FER1L5: variants seen among roughly 807,000 people sequenced by gnomAD.
The protein encoded by FER1L5 is fer-1 like family member 5, also known as fer-1-like protein 5.
In FER1L5, 187 loss-of-function variants were observed where a neutral mutation model predicts 279.9. That is an observed-to-expected ratio of 0.67 (90% CI 0.59 to 0.75). FER1L5 has a LOEUF of 0.75. Ranked by LOEUF, FER1L5 falls within the 30% of genes least tolerant of loss-of-function variation. The probability of loss-of-function intolerance (pLI) is 0.00; values close to 1 mark genes in which losing one functional copy is unlikely to be tolerated. For missense variants in FER1L5, 2,091 were observed against 2,594.4 expected (o/e 0.81, Z 4.21); for synonymous variants, 921 against 989.7 (o/e 0.93, Z 1.30).
In FER1L5 at chr2:96,690,533, G is replaced by A. The variant is rs1558909812; in HGVS notation, c.2687G>A (p.Gly896Asp). ...EARENVKCPQGWHFKKDWVVE... is the reference protein window; with the variant it reads ...EARENVKCPQDWHFKKDWVVE... Reference sequence around the variant, plus strand: ...CGGGAGAACGTGAAGTGCCCCCAAGGCTGGCACTTTAAGAAGGACTGGGTG... The same window carrying A: ...CGGGAGAACGTGAAGTGCCCCCAAGACTGGCACTTTAAGAAGGACTGGGTG... Residue 896 changes from glycine (G) to aspartate (D), a missense_variant, in exon 27 of 53, where the codon GGC becomes GAC. Coordinates refer to ENST00000624922, the MANE Select transcript of FER1L5 (RefSeq NM_001293083.2). 2 of 1,551,694 alleles carry A rather than the reference G, an allele frequency of 1.3e-6. No homozygotes were observed. Among genetic ancestry groups the A allele is most frequent in the Admixed American group, 2.0e-5 (1 of 51,006 alleles).
At chr2:96,651,744 C>G (rs1263388803) in intron 6 of FER1L5, 148 bp from the exon 7 acceptor site, 5 of 1,123,570 alleles carry the variant, frequency 4.5e-6, no homozygotes, top group Non-Finnish European at 6.3e-6. Context: ...TGGGCTCAAG[C>G]GATTCTCCCA....
At chr2:96,699,002 C>T (rs774145395) in intron 41 of FER1L5, 43 bp from the exon 42 acceptor site, 16 of 1,569,244 alleles carry the variant, frequency 1.0e-5, no homozygotes, top group South Asian at 1.2e-5. Context: ...ACCTGGACGG[C>T]CTCCCCAGTT....
In FER1L5 at chr2:96,699,717, G is replaced by A; in HGVS notation, c.4778G>A (p.Cys1593Tyr). 1.2e-6 allele frequency: 2 copies of A among 1,613,924 alleles called. No homozygotes were observed. The highest frequency in any genetic ancestry group is 1.7e-6 in the Non-Finnish European group (2 of 1,179,860). Residue 1593 changes from cysteine (C) to tyrosine (Y), a missense_variant, in exon 43 of 53, where the codon TGC becomes TAC. By Grantham distance (194) the Cys-to-Tyr change is radical (BLOSUM62 -2). Coordinates refer to ENST00000624922, the MANE Select transcript of FER1L5 (RefSeq NM_001293083.2). ...CATTGTGGGCTCTCCAAATCCTACT[G>A]CCAGTGAGAGTGGGCCCGTCTGGGG... Reference protein sequence around the residue: ...GAHCGLSKSYCQSGPFRWRDQ... With the variant: ...GAHCGLSKSYYQSGPFRWRDQ...
At position 96,698,937 on chromosome 2, in the gene FER1L5, G is replaced by A. The variant is rs2077486311; in HGVS notation, c.4518+105G>A. 9.8e-6 allele frequency: 15 copies of A among 1,528,068 alleles called. No homozygotes were observed. Among genetic ancestry groups the A allele is most frequent in the Non-Finnish European group, 1.2e-5 (14 of 1,127,236 alleles). 94.7% of individuals were successfully genotyped at this position (1,528,068 alleles called of 1,614,324 possible). On this transcript the variant is annotated intron_variant, in intron 41 of 52. Coordinates refer to ENST00000624922, the MANE Select transcript of FER1L5 (RefSeq NM_001293083.2). The surrounding 1 kb of genome is among the most constrained non-coding windows in gnomAD (Gnocchi z 5.5). ...ACACACAGAATGCCAACTCCCCATA[G>A]GCTCCGTGTGGTGCGAGGGGCTTGT...
chr2:96,700,240 C>T lies in FER1L5; in HGVS notation c.4931-92C>T. ...CCCATCCCTTTCCCCTTCACTCCTA[C>T]CCAGGCTGCGGTCGGGAGGGTAAGA... On this transcript the variant is annotated intron_variant, in intron 44 of 52. Transcript: ENST00000624922. 9 of 1,582,666 alleles carry T rather than the reference C, an allele frequency of 5.7e-6. No homozygotes were observed. In the Middle Eastern group the frequency reaches 1.0e-3, roughly 176 times the overall value.
In FER1L5 at chr2:96,653,664, G is replaced by A. The variant is rs965134426; in HGVS notation, c.658G>A (p.Val220Ile). Reference sequence around the variant, plus strand: ...GATCTTCTTCCAGAATTTTCATGAGGTTCCTGCAAAGTTCTTTGATGAGAC... The same window carrying A: ...GATCTTCTTCCAGAATTTTCATGAGATTCCTGCAAAGTTCTTTGATGAGAC... ...NEIFFQNFHE[V>I]PAKFFDETIL... Residue 220 changes from valine to isoleucine, a missense_variant, in exon 8 of 53, where the codon GTT becomes ATT. By Grantham distance (29) the Val-to-Ile change is conservative. Transcript: ENST00000624922. 15 of 1,551,360 alleles carry A rather than the reference G, an allele frequency of 9.7e-6. No homozygotes were observed. The highest frequency in any genetic ancestry group is 7.1e-5 in the South Asian group (6 of 84,054).
At chr2:96,693,423 G>C in intron 31 of FER1L5, 83 bp from the exon 32 acceptor site, 6 of 1,393,280 alleles carry the variant, frequency 4.3e-6, no homozygotes, top group Non-Finnish European at 5.7e-6. Flanking sequence ...GGCCCCACTG[G>C]GTCCAGTGGC....
At chr2:96,651,737 G>T (rs1205894480) in intron 6 of FER1L5, among the ~76,000 whole-genome samples, 155 bp from the exon 7 acceptor site, 2 of 152,096 alleles carry the variant, frequency 1.3e-5, no homozygotes, top group Non-Finnish European at 2.9e-5. Flanking sequence ...GAACTCCTGG[G>T]CTCAAGCGAT....
At chr2:96,669,784 C>T (rs1384226728) in intron 17 of FER1L5, among the ~76,000 whole-genome samples, 1 of 152,170 alleles carries the variant, frequency 6.6e-6, no homozygotes, top group Non-Finnish European at 1.5e-5. Flanking sequence ...GTGTGCTCCC[C>T]GTGGCTCACA....
intron 14 of FER1L5, 147 bp downstream of exon 14, chr2:96,663,654 C>T (rs1406844741): frequency 1.2e-6 from 1 of 848,878 alleles, no homozygotes; most frequent in Non-Finnish European, 1.9e-6. Context: ...ATGAGGAAGC[C>T]CAGGACATAT....
At position 96,704,618 on chromosome 2, in the gene FER1L5, G is replaced by A; in HGVS notation, c.6100G>A (p.Glu2034Lys). Residue 2034 changes from glutamate (E) to lysine (K), a missense_variant, in exon 53 of 53, where the codon GAG (glutamate) becomes AAG (lysine). Glu to Lys is a moderately conservative substitution (Grantham distance 56). Transcript: ENST00000624922. Reference protein sequence around the residue: ...DPNLKPTIDHEWKLHPGPTNH... With the variant: ...DPNLKPTIDHKWKLHPGPTNH... ...AAACCTAAAGCCTACAATAGACCAT[G>A]AGTGGAAACTCCACCCAGGACCCAC... The A allele has an allele frequency of 1.2e-6, 2 of 1,613,974 alleles. No individual in the cohort carries two copies. The highest frequency in any genetic ancestry group is 1.7e-6 in the Non-Finnish European group (2 of 1,179,888).
chr2:96,666,542 G>T (rs1224675392), intron 14 of FER1L5, among the ~76,000 whole-genome samples: 1 of 152,092 alleles, frequency 6.6e-6, no homozygotes, highest in Non-Finnish European at 1.5e-5. Context: ...CCCAAGAACT[G>T]CTGTAAGGAG....
chr2:96,672,080 T>TA (rs2076347938), intron 18 of FER1L5, among the ~76,000 whole-genome samples: 1 of 152,048 alleles, frequency 6.6e-6, no homozygotes, highest in African/African-American at 2.4e-5. Flanking sequence ...AAAAAAAAAG[T>TA]AAAAAAATTT....
chr2:96,651,290 T>C, intron 6 of FER1L5, among the ~76,000 whole-genome samples: 1 of 141,004 alleles, frequency 7.1e-6, no homozygotes, highest in Admixed American at 7.1e-5. Context: ...TTTCTTTCTT[T>C]CTTTCTTTCT....
rs1225215397 is a variant in FER1L5 at position 96,688,230 on chromosome 2, G to A, written c.2361+283G>A. The stretch of plus-strand genomic sequence containing the variant: ...GTGTGGAGACAAAGGGGGCGACTAA[G>A]TGACCTCCGGGGCCTGGTCCCCCTC... On this transcript the variant is annotated intron_variant, in intron 24 of 52. Transcript: ENST00000624922. 2.0e-5 allele frequency among the ~76,000 whole-genome samples: 3 copies of A among 152,184 alleles called. No individual in the cohort carries two copies. In the East Asian group the frequency reaches 5.8e-4, roughly 29 times the overall value.
Position 96,704,338 on chromosome 2 carries a change from G to A in FER1L5, c.5925G>A (p.Leu1975=), listed in dbSNP as rs560536483. 1.9e-6 allele frequency: 3 copies of A among 1,613,984 alleles called. No homozygotes were observed. Among genetic ancestry groups the A allele is most frequent in the African/African-American group, 1.3e-5 (1 of 75,034 alleles). The change falls in exon 52 of 53, where the codon CTG becomes CTA. Residue 1975 remains leucine (L), a synonymous_variant. Coordinates refer to ENST00000624922, the MANE Select transcript of FER1L5 (RefSeq NM_001293083.2). ...FMVISIIALM[L]FNFIYSAPHY... ...TCATATCGATTATAGCACTTATGCTGTTTAACTTCATCTATTCAGCTCCGG... is the reference window on the plus strand; with the variant it reads ...TCATATCGATTATAGCACTTATGCTATTTAACTTCATCTATTCAGCTCCGG...
At chr2:96,650,825 C>T (rs1173836207) in intron 6 of FER1L5, among the ~76,000 whole-genome samples, 1 of 152,218 alleles carries the variant, frequency 6.6e-6, no homozygotes, top group African/African-American at 2.4e-5. Context: ...AGCTGGGAGT[C>T]TCCTGGACCA....
In FER1L5 at chr2:96,687,846, C is replaced by T. The variant is rs1265173176; in HGVS notation, c.2260C>T (p.Leu754Phe). 2.6e-6 allele frequency: 4 copies of T among 1,551,280 alleles called. No individual in the cohort carries two copies. In the South Asian group the frequency reaches 4.8e-5, roughly 18 times the overall value. ...YPEGEGQKDVLPAHLRVCMWL... is the reference protein window; with the variant it reads ...YPEGEGQKDVFPAHLRVCMWL... ...AGAGGGTGAAGGACAGAAGGATGTG[C>T]TCCCAGCTCACCTCCGGGTCTGCAT... The change falls in exon 24 of 53, where the codon CTC (leucine) becomes TTC (phenylalanine). Residue 754 changes from leucine (L) to phenylalanine (F), a missense_variant. Physicochemically the swap from Leu to Phe is conservative, Grantham distance 22 (BLOSUM62 0). Coordinates refer to ENST00000624922, the MANE Select transcript of FER1L5 (RefSeq NM_001293083.2).
chr2:96,702,243 C>A lies in FER1L5; in HGVS notation c.5160-63C>A. ...AGGGCAGCCTCCCAGGCTTCTCTGC[C>A]CTCACTGAGGCTGCAGCTGGGGAGC... On this transcript the variant is annotated intron_variant, in intron 46 of 52. Transcript: ENST00000624922. This position sits in a 1 kb window ranked among gnomAD's most constrained non-coding sequence, Gnocchi z 4.0. 1 of 1,581,584 alleles carries A rather than the reference C, an allele frequency of 6.3e-7. No individual in the cohort carries two copies. The highest frequency in any genetic ancestry group is 8.6e-7 in the Non-Finnish European group (1 of 1,164,388).
Sources: gnomAD v4.1 joint callset for allele counts (sites outside exome capture counted in the v4.1 genomes callset) on GRCh38, gnomAD v4.1.1 for gene constraint, Gnocchi (gnomAD v3.1) non-coding constraint, MANE v1.5 for transcripts, NCBI Gene and HGNC (gene_info 2026-07-23, HGNC 2026-07-21) for gene names.